The following HYAL4 variants were observed in gnomAD, a reference collection of about 807,000 sequenced individuals.
HYAL4 encodes the protein hyaluronidase-4.
In HYAL4, 37 loss-of-function variants were observed where a neutral mutation model predicts 35.2. The observed-to-expected ratio is 1.05, with a 90% confidence interval of 0.81 to 1.38. The LOEUF is 1.38. HYAL4 is among the 40% of genes most tolerant of loss of function. The probability of loss-of-function intolerance (pLI) is 0.00; values close to 1 mark genes in which losing one functional copy is unlikely to be tolerated. For synonymous variants in HYAL4, 198 were observed against 203.2 expected (o/e 0.97, Z 0.22); for missense variants, 572 against 572.4 (o/e 1.00, Z 0.01).
intron 2 of HYAL4, among the ~76,000 whole-genome samples, chr7:123,865,690 C>T (rs36929): frequency 0.79 from 119,607 of 152,112 alleles, 47,373 homozygotes; most frequent in Non-Finnish European, 0.83. Flanking sequence ...TGAGAAATAC[C>T]ATGAGGTTTG....
chr7:123,794,927 A>G, the HYAL4 span, among the ~76,000 whole-genome samples: 4 of 152,332 alleles, frequency 2.6e-5, no homozygotes, highest in South Asian at 8.3e-4. Flanking sequence ...TGTGCCTGGA[A>G]AGGCCACAGA....
At chr7:123,847,257 C>T (rs1806194247) in intron 1 of HYAL4, among the ~76,000 whole-genome samples, 1 of 152,060 alleles carries the variant, frequency 6.6e-6, no homozygotes. Context: ...TAGTTGTTTT[C>T]AGTCTTTGAG....
intron 1 of HYAL4, among the ~76,000 whole-genome samples, chr7:123,831,073 A>C (rs1012382177): frequency 1.3e-5 from 2 of 152,172 alleles, no homozygotes; most frequent in African/African-American, 4.8e-5. Flanking sequence ...TGGTATTAGG[A>C]GGTGAGACCT....
intron 1 of HYAL4, among the ~76,000 whole-genome samples, chr7:123,838,291 G>A (rs2116912966): frequency 7.1e-6 from 1 of 141,472 alleles, no homozygotes; most frequent in East Asian, 2.1e-4. Context: ...AAGAAACTCT[G>A]TGGAATTGCT....
At chr7:123,782,531 A>C in the HYAL4 span, among the ~76,000 whole-genome samples, 3 of 152,026 alleles carry the variant, frequency 2.0e-5, no homozygotes, top group East Asian at 3.9e-4. Flanking sequence ...TAAAAAAAAA[A>C]CCCTATAAAA....
intron 1 of HYAL4, among the ~76,000 whole-genome samples, chr7:123,838,211 T>C (rs1219217280): frequency 6.6e-6 from 1 of 151,292 alleles, no homozygotes; most frequent in Non-Finnish European, 1.5e-5. Context: ...CTCTGTTGTT[T>C]ACCTCTACCA....
chr7:123,774,611 A>C, the HYAL4 span, among the ~76,000 whole-genome samples: 1 of 152,204 alleles, frequency 6.6e-6, no homozygotes, highest in Non-Finnish European at 1.5e-5. Flanking sequence ...AATGCAAAGC[A>C]GACTTTGTCT....
chr7:123,846,264 G>C (rs983073558), intron 1 of HYAL4, among the ~76,000 whole-genome samples: 41 of 151,948 alleles, frequency 2.7e-4, no homozygotes, highest in African/African-American at 8.9e-4. Context: ...AGGACCATCA[G>C]GGGGGCAGGG....
chr7:123,822,638 G>A, the HYAL4 span, among the ~76,000 whole-genome samples: 1 of 152,198 alleles, frequency 6.6e-6, no homozygotes, highest in East Asian at 1.9e-4. Flanking sequence ...GCTCTAGCTA[G>A]GACTTCTAGT....
At chr7:123,798,416 A>G in the HYAL4 span, among the ~76,000 whole-genome samples, 3 of 152,184 alleles carry the variant, frequency 2.0e-5, no homozygotes, top group African/African-American at 4.8e-5. Context: ...ATTACCTACA[A>G]TGATCTTAGA....
At chr7:123,817,390 A>G in the HYAL4 span, among the ~76,000 whole-genome samples, 4 of 152,142 alleles carry the variant, frequency 2.6e-5, no homozygotes, top group Non-Finnish European at 4.4e-5. Context: ...CCTCTGCTTT[A>G]CAAGGATTTA....
the HYAL4 span, among the ~76,000 whole-genome samples, chr7:123,781,266 T>G: frequency 1.2e-5 from 1 of 86,296 alleles, no homozygotes; most frequent in East Asian, 2.9e-4. Flanking sequence ...TGTAAAGCAT[T>G]GAGATGTTTA....
At chr7:123,824,655 C>T (rs916712784), upstream of HYAL4, among the ~76,000 whole-genome samples, 8 of 152,074 alleles carry the variant, frequency 5.3e-5, no homozygotes, top group Non-Finnish European at 4.4e-5. Flanking sequence ...TTGAAACTTC[C>T]CCTTTACTTC....
At chr7:123,826,646 TG>T (rs1259482145), upstream of HYAL4, among the ~76,000 whole-genome samples, 1 of 152,212 alleles carries the variant, frequency 6.6e-6, no homozygotes, top group Non-Finnish European at 1.5e-5. Flanking sequence ...ATTTTTAATC[TG>T]TAAAAAACTA....
intron 2 of HYAL4, among the ~76,000 whole-genome samples, chr7:123,853,261 A>G (rs1806352683): frequency 6.6e-6 from 1 of 152,186 alleles, no homozygotes; most frequent in Non-Finnish European, 1.5e-5. Context: ...CAGAACTTCC[A>G]ATACTGTGTT....
At chr7:123,857,210 G>T (rs921660322) in intron 2 of HYAL4, among the ~76,000 whole-genome samples, 1 of 152,144 alleles carries the variant, frequency 6.6e-6, no homozygotes, top group Admixed American at 6.5e-5. Flanking sequence ...TCTCATTGGT[G>T]TTCCAGGTGC....
intron 2 of HYAL4, among the ~76,000 whole-genome samples, chr7:123,865,704 G>T (rs964066787): frequency 2.6e-5 from 4 of 152,150 alleles, no homozygotes; most frequent in African/African-American, 7.2e-5. Flanking sequence ...AGGTTTGGCT[G>T]GTGACACCTG....
upstream of HYAL4, among the ~76,000 whole-genome samples, chr7:123,826,603 T>G (rs1362020483): frequency 6.6e-6 from 1 of 152,194 alleles, no homozygotes; most frequent in Admixed American, 6.6e-5. Context: ...TTTTAAAAAT[T>G]TCCTTTTAGA....
At chr7:123,790,869 A>G in the HYAL4 span, among the ~76,000 whole-genome samples, 1 of 151,888 alleles carries the variant, frequency 6.6e-6, no homozygotes, top group Non-Finnish European at 1.5e-5. Context: ...AGTTCAAGCG[A>G]TTCTCCTGCC....
Sources: gnomAD v4.1 joint callset for allele counts (sites outside exome capture counted in the v4.1 genomes callset) on GRCh38, gnomAD v4.1.1 for gene constraint, MANE v1.5 for transcripts, NCBI Gene and HGNC (gene_info 2026-07-23, HGNC 2026-07-21) for gene names.